Variants in RNF14 observed in about 807,000 individuals in gnomAD.
RNF14 encodes E3 ubiquitin-protein ligase RNF14.
Under a neutral mutation model 52.6 loss-of-function variants are expected in RNF14, and 26 were observed. The ratio of observed to expected loss-of-function variants is 0.49; its 90% CI spans 0.36 to 0.69. The LOEUF (loss-of-function observed/expected upper bound fraction) is 0.69, where lower values mean the gene tolerates loss of function less well. RNF14 is among the 30% of genes least tolerant of loss of function. RNF14 has a pLI of 0.00. For missense variants in RNF14, 404 were observed against 560.4 expected, an observed-to-expected ratio of 0.72 and a Z score of 2.82; for synonymous variants, 194 against 202.0, an observed-to-expected ratio of 0.96 and a Z score of 0.34.
At chr5:141,977,645 T>C (rs1754384249) in intron 4 of RNF14, among the ~76,000 whole-genome samples, 1 of 152,210 alleles carries the variant, frequency 6.6e-6, no homozygotes, top group Non-Finnish European at 1.5e-5. Flanking sequence ...TGCTGAGGGC[T>C]TGTGATTAGG....
At chr5:141,955,889 G>GC, upstream of RNF14, 1 of 1,614,190 alleles carries the variant, frequency 6.2e-7, no homozygotes, top group Non-Finnish European at 8.5e-7. The surrounding 1 kb of genome is among the most constrained non-coding windows in gnomAD (Gnocchi z 5.5). Flanking sequence ...ACGAACAGCT[G>GC]CCCCGTATGA....
At chr5:141,983,866 A>C (rs1330569097) in intron 7 of RNF14, among the ~76,000 whole-genome samples, 1 of 152,184 alleles carries the variant, frequency 6.6e-6, no homozygotes, top group East Asian at 1.9e-4. Flanking sequence ...ATTAAAAAAA[A>C]TCAAATCTGA....
At chr5:141,967,659 T>A (rs544729274), upstream of RNF14, among the ~76,000 whole-genome samples, 78 of 152,230 alleles carry the variant, frequency 5.1e-4, 1 homozygote, top group South Asian at 0.015. Context: ...TGGGTTAGAG[T>A]CTTAGCTCTG....
At chr5:141,961,519 C>T (rs973275379) in intron 1 of RNF14, among the ~76,000 whole-genome samples, 3 of 151,334 alleles carry the variant, frequency 2.0e-5, no homozygotes, top group Non-Finnish European at 4.4e-5. Flanking sequence ...CACTAGAGTT[C>T]GTCTGGAAAG....
upstream of RNF14, chr5:141,957,077 G>C (rs1029364113): frequency 3.1e-6 from 5 of 1,614,062 alleles, no homozygotes; most frequent in Admixed American, 5.0e-5. This position sits in a 1 kb window ranked among gnomAD's most constrained non-coding sequence, Gnocchi z 4.3. Context: ...AGCGTACCAG[G>C]TGCAGCATCT....
chr5:141,957,959 CA>C, upstream of RNF14: 1 of 1,307,030 alleles, frequency 7.7e-7, no homozygotes, highest in South Asian at 1.4e-5. The surrounding 1 kb of genome is among the most constrained non-coding windows in gnomAD (Gnocchi z 4.3). Flanking sequence ...CTCCTTCCCC[CA>C]GAGCTGCCGG....
At chr5:141,957,430 T>A, upstream of RNF14, 1 of 1,612,682 alleles carries the variant, frequency 6.2e-7, no homozygotes, top group Non-Finnish European at 8.5e-7. The surrounding 1 kb of genome is among the most constrained non-coding windows in gnomAD (Gnocchi z 4.3). Flanking sequence ...GATTTCCAGC[T>A]CCTGCTCGCC....
intron 3 of RNF14, among the ~76,000 whole-genome samples, chr5:141,974,446 A>G (rs948464869): frequency 9.9e-5 from 15 of 152,266 alleles, no homozygotes; most frequent in African/African-American, 3.6e-4. Flanking sequence ...TTCAATGGAA[A>G]TGAACATCCT....
chr5:141,967,622 G>C (rs961358951), upstream of RNF14, among the ~76,000 whole-genome samples: 1 of 152,190 alleles, frequency 6.6e-6, no homozygotes, highest in Non-Finnish European at 1.5e-5. Flanking sequence ...AGGCAATGGT[G>C]GTAAAAGCTT....
chr5:141,968,947 C>A (rs1229161798), upstream of RNF14: 1 of 152,248 alleles, frequency 6.6e-6, no homozygotes, highest in African/African-American at 2.4e-5. Flanking sequence ...GAGCACAGGG[C>A]TCGCAGTAAG....
chr5:141,977,666 A>G (rs558475304), intron 4 of RNF14, among the ~76,000 whole-genome samples: 5 of 152,336 alleles, frequency 3.3e-5, no homozygotes, highest in South Asian at 4.1e-4. Context: ...ACCAGGGTCA[A>G]TATCAGGCAG....
At chr5:141,955,325 G>C (rs749595350), upstream of RNF14, 1 of 1,614,180 alleles carries the variant, frequency 6.2e-7, no homozygotes. The surrounding 1 kb of genome is among the most constrained non-coding windows in gnomAD (Gnocchi z 5.5). Flanking sequence ...ACCGTGTCTT[G>C]CAGCACCTCT....
Position 141,980,268 on chromosome 5 carries a change from G to C in RNF14, c.980G>C (p.Gly327Ala). 1 of 1,614,234 alleles carries C rather than the reference G, an allele frequency of 6.2e-7. No homozygotes were observed. The highest frequency in any genetic ancestry group is 8.5e-7 in the Non-Finnish European group (1 of 1,180,048). The change falls in exon 6 of 9, where the codon GGT (glycine) becomes GCT (alanine). Residue 327 changes from glycine (G) to alanine (A), a missense_variant. Transcript: ENST00000394520. ...ATGCAGGAACCTGGCTGCACCATGG[G>C]TATCTGCTCCAGCTGCAATTTTGCC... is the stretch of plus-strand genomic sequence containing the variant. ...PVMQEPGCTM[G>A]ICSSCNFAFC...
chr5:141,951,403 T>G, the RNF14 span: 3 of 961,766 alleles, frequency 3.1e-6, no homozygotes, highest in Non-Finnish European at 1.7e-6. Context: ...GTCTGACTTG[T>G]GCTCACCCTT....
intron 8 of RNF14, among the ~76,000 whole-genome samples, chr5:141,987,420 C>T (rs753471457): frequency 6.6e-6 from 1 of 152,170 alleles, no homozygotes; most frequent in Non-Finnish European, 1.5e-5. Flanking sequence ...ACCTGCCTCG[C>T]CTCCATCTAG....
upstream of RNF14, chr5:141,958,219 A>C (rs528484208): frequency 9.5e-6 from 2 of 209,906 alleles, no homozygotes; most frequent in Non-Finnish European, 1.9e-5. Flanking sequence ...GAAACAGAGA[A>C]GCAGCTTTTT....
At chr5:141,973,867 G>A (rs1328503327) in intron 3 of RNF14, 125 bp downstream of exon 3, 5 of 780,778 alleles carry the variant, frequency 6.4e-6, no homozygotes, top group Non-Finnish European at 9.6e-6. Flanking sequence ...GGTAATGCAT[G>A]TTTCTGTTTT....
upstream of RNF14, chr5:141,956,011 C>G: frequency 6.2e-7 from 1 of 1,614,098 alleles, no homozygotes; most frequent in Non-Finnish European, 8.5e-7. Context: ...AAGGAATGGC[C>G]GGGAGCTGTG....
chr5:141,979,552 A>C (rs1754579417), intron 5 of RNF14, among the ~76,000 whole-genome samples: 1 of 152,114 alleles, frequency 6.6e-6, no homozygotes. Context: ...GCTCCTGGCC[A>C]GTTTTTTGTT....
Sources: gnomAD v4.1 joint callset for allele counts (sites outside exome capture counted in the v4.1 genomes callset) on GRCh38, gnomAD v4.1.1 for gene constraint, Gnocchi (gnomAD v3.1) non-coding constraint, MANE v1.5 for transcripts, NCBI Gene and HGNC (gene_info 2026-07-23, HGNC 2026-07-21) for gene names.